The following SOBP variants were observed in gnomAD, a reference collection of about 807,000 sequenced individuals.
SOBP encodes sine oculis-binding protein homolog.
SOBP carries 4 observed loss-of-function variants against 53.6 expected under a neutral mutation model. The observed-to-expected ratio is 0.07, with a 90% CI of 0.04 to 0.17. The LOEUF is 0.17. Ranked by LOEUF, SOBP falls within the 10% of genes least tolerant of loss-of-function variation. SOBP has a pLI of 1.00. For missense variants in SOBP, 1,088 were observed against 1,204.7 expected (o/e 0.90, Z 1.43); for synonymous variants, 584 against 522.6 (o/e 1.12, Z -1.60).
chr6:107,644,175 A>G (rs1350397248), intron 6 of SOBP, among the ~76,000 whole-genome samples: 2 of 152,200 alleles, frequency 1.3e-5, no homozygotes, highest in East Asian at 3.9e-4. Context: ...ATGATGGCGC[A>G]TGGCTGTAGT....
intron 4 of SOBP, among the ~76,000 whole-genome samples, chr6:107,541,490 T>G (rs961531929): frequency 2.6e-5 from 4 of 152,322 alleles, no homozygotes; most frequent in South Asian, 2.1e-4. Context: ...TAAACTTTCT[T>G]AATGTTTAAC....
intron 3 of SOBP, among the ~76,000 whole-genome samples, chr6:107,523,564 G>A (rs2031468266): frequency 6.6e-6 from 1 of 152,198 alleles, no homozygotes; most frequent in African/African-American, 2.4e-5. Context: ...GAGTGCTTGG[G>A]CCCTCCCAGG....
intron 6 of SOBP, among the ~76,000 whole-genome samples, chr6:107,639,752 C>G (rs1771226458): frequency 6.6e-6 from 1 of 152,076 alleles, no homozygotes; most frequent in East Asian, 1.9e-4. Context: ...TTCAGAGTAA[C>G]CATTTGCAAA....
At chr6:107,532,700 C>A (rs1443369246) in intron 3 of SOBP, among the ~76,000 whole-genome samples, 4 of 152,160 alleles carry the variant, frequency 2.6e-5, no homozygotes, top group Non-Finnish European at 5.9e-5. Flanking sequence ...GGGAGGACCA[C>A]CAATCTGGCT....
intron 5 of SOBP, among the ~76,000 whole-genome samples, chr6:107,591,928 G>A (rs1438809449): frequency 7.1e-6 from 1 of 140,750 alleles, no homozygotes; most frequent in Non-Finnish European, 1.5e-5. Context: ...CTGTTCTGAA[G>A]TATGTATGCT....
chr6:107,617,716 T>G (rs1786843465), intron 5 of SOBP, among the ~76,000 whole-genome samples: 2 of 151,980 alleles, frequency 1.3e-5, no homozygotes, highest in Admixed American at 1.3e-4. Flanking sequence ...CTGGGGAGCC[T>G]GCCCACCCCA....
At chr6:107,492,740 A>G (rs1210704991) in intron 1 of SOBP, among the ~76,000 whole-genome samples, 1 of 152,192 alleles carries the variant, frequency 6.6e-6, no homozygotes, top group Non-Finnish European at 1.5e-5. Flanking sequence ...TTTTCCTTCC[A>G]AATCACCACC....
intron 4 of SOBP, among the ~76,000 whole-genome samples, chr6:107,574,214 G>A (rs4946839): frequency 0.56 from 85,191 of 152,082 alleles, 26,684 homozygotes; most frequent in East Asian, 0.89. Flanking sequence ...AAATTTCTTT[G>A]TTATACTAGG....
In SOBP at chr6:107,634,940, G is replaced by T; in HGVS notation, c.2096G>T (p.Ser699Ile). The T allele has an allele frequency of 9.3e-7, 1 of 1,079,194 alleles. No homozygotes were observed. The highest frequency in any genetic ancestry group is 1.1e-6 in the Non-Finnish European group (1 of 892,994). 66.9% of individuals were successfully genotyped at this position (1,079,194 alleles called of 1,614,324 possible). Reference protein sequence around the residue: ...TCGGCRDGHCSPPAAGDPGPG... With the variant: ...TCGGCRDGHCIPPAAGDPGPG... ...GGCGGCTGCAGGGACGGCCACTGCA[G>T]CCCGCCCGCCGCCGGCGACCCAGGC... Residue 699 changes from serine (S) to isoleucine (I), a missense_variant, in exon 6 of 7, where the codon AGC (serine) becomes ATC (isoleucine). Around this residue, in one of 6 missense-constraint regions of SOBP, gnomAD observed 665 missense variants for 629.7 expected, o/e 1.06. Transcript: ENST00000317357. This position sits in a 1 kb window ranked among gnomAD's most constrained non-coding sequence, Gnocchi z 4.5.
intron 6 of SOBP, among the ~76,000 whole-genome samples, chr6:107,651,085 G>A (rs1029632851): frequency 2.0e-5 from 3 of 152,070 alleles, no homozygotes; most frequent in African/African-American, 7.2e-5. Flanking sequence ...GGGAAACATG[G>A]CAAAACCCTG....
rs375402260 is a variant in SOBP at position 107,634,626 on chromosome 6, C to A, written c.1782C>A (p.Ser594=). 1 of 1,587,684 alleles carries A rather than the reference C, an allele frequency of 6.3e-7. No individual in the cohort carries two copies. The highest frequency in any genetic ancestry group is 8.5e-7 in the Non-Finnish European group (1 of 1,173,272). Residue 594 remains serine, a synonymous_variant, in exon 6 of 7, where the codon TCC becomes TCA. Transcript: ENST00000317357. The surrounding 1 kb of genome is among the most constrained non-coding windows in gnomAD (Gnocchi z 4.5). ...PRDSKQGSSK[S]ADSPPGCSGQ... The stretch of plus-strand genomic sequence containing the variant: ...ACTCCAAGCAGGGCTCGTCCAAGTC[C>A]GCGGACTCGCCCCCCGGCTGCTCGG...
chr6:107,579,696 A>G (rs945664486), intron 4 of SOBP, among the ~76,000 whole-genome samples: 5 of 152,202 alleles, frequency 3.3e-5, no homozygotes, highest in African/African-American at 1.2e-4. Flanking sequence ...GACATCATTT[A>G]AGGAGATTCT....
chr6:107,498,075 G>A (rs149887491), intron 1 of SOBP, among the ~76,000 whole-genome samples: 169 of 152,156 alleles, frequency 1.1e-3, no homozygotes, highest in Admixed American at 8.2e-3. Flanking sequence ...CTGTAACTGC[G>A]TTTAAATAAA....
chr6:107,536,832 G>T (rs577895713), intron 4 of SOBP, among the ~76,000 whole-genome samples: 38 of 152,206 alleles, frequency 2.5e-4, no homozygotes, highest in Non-Finnish European at 4.8e-4. Context: ...TTGGCTCTAG[G>T]AAGTGGATAG....
chr6:107,588,202 C>T (rs1785626814), intron 5 of SOBP, among the ~76,000 whole-genome samples: 1 of 152,194 alleles, frequency 6.6e-6, no homozygotes, highest in Non-Finnish European at 1.5e-5. Context: ...TTGGATTTAG[C>T]TCTGATACCA....
chr6:107,566,555 T>C (rs1784922108), intron 4 of SOBP, among the ~76,000 whole-genome samples: 1 of 152,196 alleles, frequency 6.6e-6, no homozygotes, highest in African/African-American at 2.4e-5. Context: ...GCTTGGCTTC[T>C]CTCCACCTCT....
chr6:107,578,822 A>G (rs780470280), intron 4 of SOBP, among the ~76,000 whole-genome samples: 7 of 152,114 alleles, frequency 4.6e-5, no homozygotes, highest in Non-Finnish European at 1.0e-4. Context: ...CATCCTGTAG[A>G]TAGTGAATCT....
chr6:107,593,313 G>A (rs1171081964), intron 5 of SOBP, among the ~76,000 whole-genome samples: 2 of 152,192 alleles, frequency 1.3e-5, no homozygotes, highest in Non-Finnish European at 2.9e-5. Context: ...ATTGGGGGAC[G>A]GAGTCTTGAT....
intron 5 of SOBP, among the ~76,000 whole-genome samples, chr6:107,610,386 G>A (rs1215419277): frequency 6.6e-6 from 1 of 152,156 alleles, no homozygotes; most frequent in Non-Finnish European, 1.5e-5. Context: ...TACCAGAGGG[G>A]ACTGGCCCAC....
Sources: allele counts gnomAD v4.1 joint callset (sites outside exome capture counted in the v4.1 genomes callset), GRCh38; gene constraint gnomAD v4.1.1; regional missense constraint gnomAD v4.1.1; non-coding constraint Gnocchi (gnomAD v3.1); transcripts MANE v1.5; gene names NCBI Gene and HGNC (gene_info 2026-07-23, HGNC 2026-07-21).